The following TEAD1 variants were observed in gnomAD, a reference collection of about 807,000 sequenced individuals.
The protein encoded by TEAD1 is TEA domain transcription factor 1, also known as transcriptional enhancer factor TEF-1.
A neutral mutation model predicts 54.9 loss-of-function variants in TEAD1; 9 were observed. The observed-to-expected ratio is 0.16, with a 90% CI of 0.10 to 0.29. The LOEUF (loss-of-function observed/expected upper bound fraction) is 0.29, where lower values mean the gene tolerates loss of function less well. Among genes scored for constraint, TEAD1 ranks in the 10% least tolerant of loss-of-function variants. The pLI is 1.00. For missense variants in TEAD1, 387 were observed against 535.9 expected, an observed-to-expected ratio of 0.72 and a Z score of 2.74; for synonymous variants, 200 against 187.8, an observed-to-expected ratio of 1.07 and a Z score of -0.53.
At chr11:12,718,541 G>A (rs954002918) in intron 2 of TEAD1, among the ~76,000 whole-genome samples, 2 of 151,732 alleles carry the variant, frequency 1.3e-5, no homozygotes, top group African/African-American at 4.8e-5. Flanking sequence ...AATATTCACA[G>A]AATCCTGGTT....
rs756939442 is a variant in TEAD1, at chr11:12,910,405, G to A, written c.873+8292G>A. Among the ~76,000 whole-genome samples the A allele has an allele frequency of 3.3e-5, 5 of 152,118 alleles. 1 individual carries two copies. The highest frequency in any genetic ancestry group is 1.3e-4 in the Admixed American group (2 of 15,280). On this transcript the variant is annotated intron_variant, in intron 10 of 12. Transcript: ENST00000527636. ...AACACTGCTCTAAAGAAAGCTGTAT[G>A]CTTTTAACATTCTATTCATAAACAT...
chr11:12,845,391 T>C (rs1866704), intron 3 of TEAD1, among the ~76,000 whole-genome samples: 107,592 of 151,922 alleles, frequency 0.71, 38,386 homozygotes, highest in East Asian at 0.77. Flanking sequence ...CGTGTGTGTG[T>C]GCGCACACGC....
At chr11:12,807,556 T>C in intron 3 of TEAD1, among the ~76,000 whole-genome samples, 1 of 152,170 alleles carries the variant, frequency 6.6e-6, no homozygotes, top group East Asian at 1.9e-4. Context: ...AAAAGGTAGG[T>C]ATGAGGATTG....
At chr11:12,754,527 A>G (rs906273574) in intron 2 of TEAD1, among the ~76,000 whole-genome samples, 2 of 152,208 alleles carry the variant, frequency 1.3e-5, no homozygotes, top group South Asian at 2.1e-4. Flanking sequence ...GTTACAAACA[A>G]TGAAAATATA....
At chr11:12,696,300 A>C (rs1012035076) in intron 2 of TEAD1, among the ~76,000 whole-genome samples, 4 of 152,232 alleles carry the variant, frequency 2.6e-5, no homozygotes, top group Non-Finnish European at 5.9e-5. Flanking sequence ...AAGTGGGGCT[A>C]TCTGAGCCAA....
intron 3 of TEAD1, among the ~76,000 whole-genome samples, chr11:12,783,321 A>G (rs912609749): frequency 1.3e-5 from 2 of 151,008 alleles, no homozygotes; most frequent in African/African-American, 2.4e-5. Context: ...CCTACAGGAG[A>G]TGGCTAGAGC....
intron 2 of TEAD1, among the ~76,000 whole-genome samples, chr11:12,714,975 A>AT (rs1203498111): frequency 6.6e-6 from 1 of 152,014 alleles, no homozygotes; most frequent in Non-Finnish European, 1.5e-5. Flanking sequence ...TCAACATACG[A>AT]TTTTTTTGAG....
At chr11:12,888,228 G>A (rs776646629) in intron 9 of TEAD1, among the ~76,000 whole-genome samples, 98 of 152,346 alleles carry the variant, frequency 6.4e-4, no homozygotes, top group African/African-American at 2.1e-3. Flanking sequence ...ATGATTGCTG[G>A]CTGGGTGTGA....
rs1949137440 is a variant in TEAD1 at position 12,939,180 on chromosome 11, C to T, written c.*1958C>T. The T allele has an allele frequency of 6.6e-6, 1 of 152,300 alleles. No homozygotes were observed. Among genetic ancestry groups the T allele is most frequent in the African/African-American group, 2.4e-5 (1 of 41,472 alleles). 9.4% of individuals were successfully genotyped at this position (152,300 alleles called of 1,614,324 possible). A position where few individuals can be genotyped will look rare whatever the true frequency, so the allele number is the denominator to read the frequency against. On this transcript the variant is annotated 3_prime_UTR_variant, in exon 13 of 13. Coordinates refer to ENST00000527636, the MANE Select transcript of TEAD1 (RefSeq NM_021961.6). ...TTCTAGAAACCAGTTGGACAGTGCT[C>T]CTCTGCCCTTCATAAACAGACTACT... is the stretch of plus-strand genomic sequence containing the variant.
intron 2 of TEAD1, among the ~76,000 whole-genome samples, chr11:12,757,696 G>A (rs1945010356): frequency 6.6e-6 from 1 of 152,204 alleles, no homozygotes; most frequent in African/African-American, 2.4e-5. Flanking sequence ...TTTTCTTGTG[G>A]AAACTTTGGG....
At chr11:12,879,936 G>C (rs992235739) in intron 6 of TEAD1, 94 bp downstream of exon 6, 3 of 1,586,082 alleles carry the variant, frequency 1.9e-6, no homozygotes, top group Non-Finnish European at 2.6e-6. Context: ...CTTGTCATGT[G>C]GGTCAGGTAT....
intron 2 of TEAD1, among the ~76,000 whole-genome samples, chr11:12,702,710 C>T (rs1000385784): frequency 3.3e-5 from 5 of 151,888 alleles, no homozygotes; most frequent in South Asian, 2.1e-4. Flanking sequence ...AAGCTACTTC[C>T]GTCCTTCTCT....
At chr11:12,706,456 A>G (rs951194912) in intron 2 of TEAD1, among the ~76,000 whole-genome samples, 2 of 152,250 alleles carry the variant, frequency 1.3e-5, no homozygotes, top group Non-Finnish European at 2.9e-5. Context: ...AAAGAGAAAC[A>G]TACTTCGTTT....
intron 3 of TEAD1, chr11:12,851,046 T>G: frequency 1.1e-6 from 1 of 944,568 alleles, no homozygotes; most frequent in Non-Finnish European, 1.3e-6. Flanking sequence ...ATAATCTTTT[T>G]CTAGATCTTT....
intron 3 of TEAD1, among the ~76,000 whole-genome samples, chr11:12,821,960 C>CTTTTTTTTTT: frequency 2.6e-5 from 1 of 38,308 alleles, no homozygotes; most frequent in Non-Finnish European, 4.5e-5. Context: ...TTTCTCTTTT[C>CTTTTTTTTTT]CTTTTTTTTT....
intron 3 of TEAD1, among the ~76,000 whole-genome samples, chr11:12,765,233 C>T (rs1945183913): frequency 1.3e-5 from 2 of 152,098 alleles, no homozygotes; most frequent in African/African-American, 2.4e-5. Context: ...GGTTTGGGCA[C>T]CCCCTAACTT....
intron 5 of TEAD1, among the ~76,000 whole-genome samples, chr11:12,876,664 G>A (rs994125621): frequency 6.6e-5 from 10 of 152,164 alleles, no homozygotes; most frequent in Non-Finnish European, 1.3e-4. Flanking sequence ...GCTGAGGAAG[G>A]CACCTGTGGT....
rs1298260244 is a variant in TEAD1, at chr11:12,676,789, A to G, written c.-55+1228A>G. 7.2e-5 allele frequency among the ~76,000 whole-genome samples: 11 copies of G among 152,150 alleles called. No homozygotes were observed. In the East Asian group the frequency reaches 1.2e-3, roughly 16 times the overall value. ...CTTTAGTGTTTCTTTGTGCAACTCTATGTTGAACTCTCAGGTTTCAGGTTT... is the reference window on the plus strand; with the variant it reads ...CTTTAGTGTTTCTTTGTGCAACTCTGTGTTGAACTCTCAGGTTTCAGGTTT... On this transcript the variant is annotated intron_variant, in intron 2 of 12. Coordinates refer to ENST00000527636, the MANE Select transcript of TEAD1 (RefSeq NM_021961.6).
At chr11:12,715,946 C>T (rs73421973) in intron 2 of TEAD1, among the ~76,000 whole-genome samples, 17,369 of 151,946 alleles carry the variant, frequency 0.11, 3,350 homozygotes, top group African/African-American at 0.4. Flanking sequence ...CCAACAAGAA[C>T]AATCGTAATT....
Sources: allele counts gnomAD v4.1 joint callset (sites outside exome capture counted in the v4.1 genomes callset), GRCh38; gene constraint gnomAD v4.1.1; transcripts MANE v1.5; gene names NCBI Gene and HGNC (gene_info 2026-07-23, HGNC 2026-07-21).